The following C10orf143 variants were observed in gnomAD, a reference collection of about 807,000 sequenced individuals.
The protein encoded by C10orf143 is chromosome 10 open reading frame 143, also known as uncharacterized protein C10orf143.
At chr10:130,074,336 T>C (rs1317639941) in intron 3 of C10orf143, among the ~76,000 whole-genome samples, 1 of 152,160 alleles carries the variant, frequency 6.6e-6, no homozygotes, top group African/African-American at 2.4e-5. Context: ...TAGAAATGCA[T>C]GGAGCACAAC....
At chr10:130,106,473 A>G (rs760946969) in intron 1 of C10orf143, 12 of 1,602,524 alleles carry the variant, frequency 7.5e-6, no homozygotes, top group Middle Eastern at 1.7e-4. Context: ...GAACTTGAGC[A>G]TGAAATTCTC....
chr10:130,086,612 T>C (rs1413382115), intron 1 of C10orf143, among the ~76,000 whole-genome samples: 3 of 152,222 alleles, frequency 2.0e-5, no homozygotes, highest in Non-Finnish European at 4.4e-5. Context: ...ACTGGTTTGC[T>C]GTCAACTTTC....
At chr10:130,068,945 TC>T (rs1860986022) in intron 3 of C10orf143, among the ~76,000 whole-genome samples, 2 of 152,076 alleles carry the variant, frequency 1.3e-5, no homozygotes, top group South Asian at 4.1e-4. Context: ...AGCGGGAGTC[TC>T]AGAGGAAAAG....
chr10:130,082,916 T>C (rs550186713), intron 1 of C10orf143, among the ~76,000 whole-genome samples: 1 of 150,096 alleles, frequency 6.7e-6, no homozygotes, highest in South Asian at 2.1e-4. Context: ...AAAATCAAGA[T>C]TGACAAGTTT....
downstream of C10orf143, among the ~76,000 whole-genome samples, chr10:130,062,748 A>G (rs879256363): frequency 6.6e-6 from 1 of 152,168 alleles, no homozygotes; most frequent in Non-Finnish European, 1.5e-5. Context: ...TCCCCTTCAC[A>G]TATACACTTA....
chr10:130,107,705 G>T (rs1233375427), intron 1 of C10orf143: 1 of 1,258,950 alleles, frequency 7.9e-7, no homozygotes, highest in Non-Finnish European at 1.2e-6. Context: ...AGGGGGGGAA[G>T]GAAGAGGCTC....
intron 1 of C10orf143, chr10:130,107,771 A>C: frequency 8.1e-7 from 1 of 1,238,092 alleles, no homozygotes. Flanking sequence ...AGGAGAATCA[A>C]GCTGTGAAAG....
chr10:130,036,481 T>C (rs559627476), intron 3 of C10orf143, among the ~76,000 whole-genome samples: 2 of 152,300 alleles, frequency 1.3e-5, no homozygotes, highest in South Asian at 4.1e-4. Flanking sequence ...CCCTGATTGT[T>C]TGACCCAGAA....
chr10:130,091,208 G>T (rs1334643132), intron 1 of C10orf143, among the ~76,000 whole-genome samples: 11 of 152,206 alleles, frequency 7.2e-5, no homozygotes, highest in Admixed American at 7.2e-4. Flanking sequence ...CTGGGACGAA[G>T]CTTCCAGAAG....
intron 3 of C10orf143, among the ~76,000 whole-genome samples, chr10:130,055,007 A>G (rs1460189318): frequency 6.6e-6 from 1 of 152,232 alleles, no homozygotes; most frequent in African/African-American, 2.4e-5. Flanking sequence ...ATGCAAATAC[A>G]AAAGAATGAA....
At chr10:130,087,807 A>G (rs1439788595) in intron 1 of C10orf143, among the ~76,000 whole-genome samples, 1 of 152,192 alleles carries the variant, frequency 6.6e-6, no homozygotes, top group Non-Finnish European at 1.5e-5. Context: ...AGAGCCAGAG[A>G]ACACGGAGCA....
At chr10:130,070,606 T>C (rs1037665165) in intron 3 of C10orf143, among the ~76,000 whole-genome samples, 1 of 152,212 alleles carries the variant, frequency 6.6e-6, no homozygotes, top group Non-Finnish European at 1.5e-5. Context: ...ACCAAAACAC[T>C]GCACCCTGAG....
chr10:130,098,255 G>A (rs1409892668), intron 1 of C10orf143, among the ~76,000 whole-genome samples: 2 of 152,078 alleles, frequency 1.3e-5, no homozygotes, highest in African/African-American at 2.4e-5. Flanking sequence ...CCCAGGAGGC[G>A]GAGGTTGCAG....
At chr10:130,036,303 G>C (rs577975910) in intron 3 of C10orf143, among the ~76,000 whole-genome samples, 1 of 152,280 alleles carries the variant, frequency 6.6e-6, no homozygotes, top group African/African-American at 2.4e-5. Context: ...CTGGGGTCTT[G>C]AGCTCTGGTC....
intron 1 of C10orf143, among the ~76,000 whole-genome samples, chr10:130,103,632 T>C (rs1861594301): frequency 6.6e-6 from 1 of 151,548 alleles, no homozygotes. Context: ...CATGGCAAGA[T>C]CCCGTCTCTA....
At chr10:130,107,364 T>C (rs541148747) in intron 1 of C10orf143, 218 of 1,081,666 alleles carry the variant, frequency 2.0e-4, no homozygotes, top group Admixed American at 2.4e-4. Context: ...GAAGAAGAAT[T>C]GGAGAGAACT....
chr10:130,046,876 T>G (rs1479617547), intron 3 of C10orf143, among the ~76,000 whole-genome samples: 1 of 152,166 alleles, frequency 6.6e-6, no homozygotes, highest in Non-Finnish European at 1.5e-5. Context: ...CTGACCTTTC[T>G]GGGGGTGACA....
chr10:130,060,503 GAA>G (rs1235948320), downstream of C10orf143, among the ~76,000 whole-genome samples: 2 of 152,154 alleles, frequency 1.3e-5, no homozygotes, highest in African/African-American at 4.8e-5. Flanking sequence ...TAATTGACAT[GAA>G]AAGAGTTACA....
At chr10:130,068,340 G>A (rs7070500) in intron 3 of C10orf143, 5,260 of 152,444 alleles carry the variant, frequency 0.035, 240 homozygotes, top group East Asian at 0.11. Flanking sequence ...GGCCGGGCAC[G>A]GTGGCTCTCG....
Sources: gnomAD v4.1 joint callset for allele counts (sites outside exome capture counted in the v4.1 genomes callset) on GRCh38, gnomAD v4.1.1 for gene constraint, MANE v1.5 for transcripts, NCBI Gene and HGNC (gene_info 2026-07-23, HGNC 2026-07-21) for gene names.